Variants in COL6A3 observed in about 807,000 individuals in gnomAD.
COL6A3 encodes collagen type VI alpha 3 chain, also known as collagen alpha-3(VI) chain.
A neutral mutation model predicts 274.1 loss-of-function variants in COL6A3; 137 were observed. The ratio of observed to expected loss-of-function variants is 0.50; its 90% CI spans 0.44 to 0.58. The LOEUF is 0.58. Among genes scored for constraint, COL6A3 ranks in the 20% least tolerant of loss-of-function variants. The pLI, the probability that COL6A3 is intolerant of heterozygous loss-of-function variation, is 0.00. For synonymous variants in COL6A3, 1,650 were observed against 1,650.6 expected (o/e 1.00, Z 0.01); for missense variants, 3,950 against 4,124.9 (o/e 0.96, Z 1.16).
Position 237,363,691 on chromosome 2 carries a change from C to T in COL6A3, c.5918-293G>A, listed in dbSNP as rs10206312. On this transcript the variant is annotated intron_variant, in intron 13 of 43. Coordinates refer to ENST00000295550, the MANE Select transcript of COL6A3 (RefSeq NM_004369.4). ...TCTCAAACTCAGGCCCTCTGTAACA[C>T]GAGTATGCTGTGGGAAGTATTGAAA... Among the ~76,000 whole-genome samples, 1,524 of 152,278 alleles carry T rather than the reference C, an allele frequency of 0.01. 16 individuals are homozygous for T. The highest frequency in any genetic ancestry group is 0.035 in the African/African-American group (1,434 of 41,536).
chr2:237,403,304 G>A (rs2078638936), intron 1 of COL6A3, among the ~76,000 whole-genome samples: 1 of 152,184 alleles, frequency 6.6e-6, no homozygotes, highest in Admixed American at 6.5e-5. Flanking sequence ...GATGGAGACA[G>A]ATGAAGCCAC....
At chr2:237,372,985 C>A (rs2077732906) in intron 8 of COL6A3, among the ~76,000 whole-genome samples, 1 of 152,102 alleles carries the variant, frequency 6.6e-6, no homozygotes, top group African/African-American at 2.4e-5. Context: ...GACAGGCCAC[C>A]CAAGGAACCA....
At position 237,357,826 on chromosome 2, in the gene COL6A3, G is replaced by T. The variant is rs560225578; in HGVS notation, c.6528C>A (p.Leu2176=). The T allele has an allele frequency of 1.2e-6, 2 of 1,614,080 alleles. No individual in the cohort carries two copies. Among genetic ancestry groups the T allele is most frequent in the Non-Finnish European group, 1.7e-6 (2 of 1,179,994 alleles). ...ATGTGCAGCACCTTACCATGGGGCC[G>T]AGGTCACCGGTTTCTCCTTTGGGTC... ...ERGPKGETGD[L]GPMGVPGRDG... The change falls in exon 22 of 44, where the codon CTC becomes CTA. Residue 2176 remains leucine, a synonymous_variant. Transcript: ENST00000295550.
intron 42 of COL6A3, among the ~76,000 whole-genome samples, chr2:237,331,983 G>T (rs1402217473): frequency 7.0e-6 from 1 of 143,716 alleles, no homozygotes; most frequent in Non-Finnish European, 1.5e-5. Context: ...GTAGACAGGC[G>T]ATCTCAGTGT....
Position 237,359,193 on chromosome 2 carries a change from T to C in COL6A3, c.6354+13A>G, listed in dbSNP as rs199676629. ...AACCAAAAGCAGTTTGGACTTAGAG[T>C]AAAATCACTTACATCTTCACCATCC... On this transcript the variant is annotated intron_variant, in intron 19 of 43. Transcript: ENST00000295550. The C allele has an allele frequency of 1.2e-6, 2 of 1,614,090 alleles. No individual in the cohort carries two copies. The highest frequency in any genetic ancestry group is 4.5e-5 in the East Asian group (2 of 44,876).
chr2:237,411,359 T>G (rs72988103), intron 1 of COL6A3, among the ~76,000 whole-genome samples: 6,452 of 152,284 alleles, frequency 0.042, 166 homozygotes, highest in Non-Finnish European at 0.053. Flanking sequence ...ATTTCACATA[T>G]AAGTGGGAGG....
intron 39 of COL6A3, among the ~76,000 whole-genome samples, chr2:237,337,075 G>A (rs932850117): frequency 6.6e-6 from 1 of 151,520 alleles, no homozygotes; most frequent in Non-Finnish European, 1.5e-5. Context: ...ACAATTTCTT[G>A]ATCTATTACC....
intron 7 of COL6A3, among the ~76,000 whole-genome samples, chr2:237,376,306 GT>G (rs368178707): frequency 6.6e-6 from 1 of 152,332 alleles, no homozygotes; most frequent in Non-Finnish European, 1.5e-5. Flanking sequence ...TTAATGCAGA[GT>G]TTATGGTGGA....
At chr2:237,349,942 G>T (rs374316493) in intron 28 of COL6A3, among the ~76,000 whole-genome samples, 1 of 152,028 alleles carries the variant, frequency 6.6e-6, no homozygotes, top group African/African-American at 2.4e-5. Flanking sequence ...CTCTCCCCAC[G>T]GCCCGCCCCA....
chr2:237,364,481 G>T lies in COL6A3; in HGVS notation c.5839-53C>A. 7.3e-7 allele frequency: 1 copy of T among 1,379,054 alleles called. No individual in the cohort carries two copies. Among genetic ancestry groups the T allele is most frequent in the Non-Finnish European group, 1.0e-6 (1 of 967,568 alleles). 85.4% of individuals were successfully genotyped at this position (1,379,054 alleles called of 1,614,324 possible). ...AGGAAAACTAAAAAGGAGTGTTGCA[G>T]ACTGCTGATAGAAAACTGAGAGACT... is the stretch of plus-strand genomic sequence containing the variant. On this transcript the variant is annotated intron_variant, in intron 12 of 43. Coordinates refer to ENST00000295550, the MANE Select transcript of COL6A3 (RefSeq NM_004369.4). This position sits in a 1 kb window ranked among gnomAD's most constrained non-coding sequence, Gnocchi z 4.6.
At position 237,333,530 on chromosome 2, in the gene COL6A3, G is replaced by A. The variant is rs760496428; in HGVS notation, c.9248C>T (p.Pro3083Leu). The A allele has an allele frequency of 6.2e-7, 1 of 1,614,216 alleles. No individual in the cohort carries two copies. Among genetic ancestry groups the A allele is most frequent in the Admixed American group, 1.7e-5 (1 of 60,032 alleles). ...AGAAGCTGACCTTGCTGGCTGTGGA[G>A]GTGGGGGCTGAGATTTCTCTATAAA... ...SFSTKKSQPP[P>L]PQPARSASSS... is the part of the protein sequence containing the mutation. The change falls in exon 42 of 44, where the codon CCT (proline) becomes CTT (leucine). Residue 3083 changes from proline (P) to leucine (L), a missense_variant. Transcript: ENST00000295550.
chr2:237,363,143 GCCCC>G, intron 14 of COL6A3, 106 bp downstream of exon 14: 1 of 913,588 alleles, frequency 1.1e-6, no homozygotes, highest in South Asian at 1.4e-5. Context: ...ATCTACCAAG[GCCCC>G]CCCCCCACCT....
intron 42 of COL6A3, 24 bp downstream of exon 42, chr2:237,333,426 G>C: frequency 6.3e-7 from 1 of 1,597,974 alleles, no homozygotes. Flanking sequence ...TGCCATTAAT[G>C]GACCTAATAG....
chr2:237,324,926 A>C, intron 43 of COL6A3, 112 bp from the exon 44 acceptor site: 1 of 1,107,776 alleles, frequency 9.0e-7, no homozygotes, highest in South Asian at 1.3e-5. Flanking sequence ...ACAGTCCCGC[A>C]GCCTCTGGTT....
At position 237,381,261 on chromosome 2, in the gene COL6A3, G is replaced by C. The variant is rs764955459; in HGVS notation, c.1551C>G (p.Pro517=). 2.7e-5 allele frequency: 44 copies of C among 1,614,120 alleles called. 1 individual carries two copies. In the South Asian group the frequency reaches 4.6e-4, roughly 17 times the overall value. The part of the protein sequence containing the change: ...EVITAVRKMK[P]LDGSALYTGS... ...CCGTGTACAGGGCCGAGCCGTCCAG[G>C]GGCTTCATTTTCCGCACAGCGGTTA... Residue 517 remains proline, a synonymous_variant, in exon 5 of 44, where the codon CCC becomes CCG. Transcript: ENST00000295550.
At chr2:237,397,137 GGAGAAGGGAAGGGAA>G (rs1289222990) in intron 1 of COL6A3, among the ~76,000 whole-genome samples, 1 of 142,384 alleles carries the variant, frequency 7.0e-6, no homozygotes, top group Non-Finnish European at 1.5e-5. Context: ...AAGGAAGGAA[GGAGAAGGGAAGGGAA>G]GAGAAGGGAA....
intron 32 of COL6A3, among the ~76,000 whole-genome samples, chr2:237,345,910 A>G (rs2077089262): frequency 6.6e-6 from 1 of 152,142 alleles, no homozygotes; most frequent in Non-Finnish European, 1.5e-5. Context: ...TGATTTTCCA[A>G]CTCCTGAATT....
At chr2:237,388,799 T>C (rs75703866) in intron 3 of COL6A3, among the ~76,000 whole-genome samples, 1,847 of 152,332 alleles carry the variant, frequency 0.012, 65 homozygotes, top group Admixed American at 0.059. Context: ...GAATCAGAAC[T>C]CAAACTACAT....
chr2:237,326,138 G>A (rs1237133644), intron 42 of COL6A3: 1 of 166,440 alleles, frequency 6.0e-6, no homozygotes, highest in Non-Finnish European at 1.3e-5. Context: ...TGGCAAAATG[G>A]AAATTCGATT....
Sources: allele counts gnomAD v4.1 joint callset (sites outside exome capture counted in the v4.1 genomes callset), GRCh38; gene constraint gnomAD v4.1.1; non-coding constraint Gnocchi (gnomAD v3.1); transcripts MANE v1.5; gene names NCBI Gene and HGNC (gene_info 2026-07-23, HGNC 2026-07-21).